The following KCNIP1 variants were observed in gnomAD, a reference collection of about 807,000 sequenced individuals.
KCNIP1 encodes the protein potassium voltage-gated channel interacting protein 1.
Under a neutral mutation model 33.0 loss-of-function variants are expected in KCNIP1, and 18 were observed. The ratio of observed to expected loss-of-function variants is 0.55; its 90% CI spans 0.38 to 0.81. The LOEUF (loss-of-function observed/expected upper bound fraction) is 0.81, where lower values mean the gene tolerates loss of function less well. Among genes scored for constraint, KCNIP1 ranks in the 30% least tolerant of loss-of-function variants. The pLI, the probability that KCNIP1 is intolerant of heterozygous loss-of-function variation, is 0.00. For missense variants in KCNIP1, 238 were observed against 271.6 expected, an observed-to-expected ratio of 0.88 and a Z score of 0.87; for synonymous variants, 93 against 98.3, an observed-to-expected ratio of 0.95 and a Z score of 0.32.
chr5:170,402,995 C>T (rs1032135638), intron 1 of KCNIP1, among the ~76,000 whole-genome samples: 9 of 152,190 alleles, frequency 5.9e-5, no homozygotes, highest in Non-Finnish European at 8.8e-5. Flanking sequence ...CGTTCACGTA[C>T]GCCTGTTCCA....
At chr5:170,501,675 G>T (rs966331774), upstream of KCNIP1, among the ~76,000 whole-genome samples, 2 of 152,192 alleles carry the variant, frequency 1.3e-5, no homozygotes, top group Non-Finnish European at 2.9e-5. Context: ...GGTCATTCAG[G>T]TACCATGAAA....
intron 1 of KCNIP1, chr5:170,383,571 G>T: frequency 8.1e-7 from 1 of 1,233,670 alleles, no homozygotes; most frequent in Non-Finnish European, 1.2e-6. Flanking sequence ...TGTGAGACCT[G>T]GTCAAGTGGG....
chr5:170,360,021 C>A (rs1295116642), intron 1 of KCNIP1, among the ~76,000 whole-genome samples: 2 of 152,214 alleles, frequency 1.3e-5, no homozygotes, highest in Admixed American at 6.5e-5. Flanking sequence ...TTAAAAGTAG[C>A]TGGAAACGGG....
At chr5:170,421,888 G>A (rs2113429565) in intron 1 of KCNIP1, 1 of 152,236 alleles carries the variant, frequency 6.6e-6, no homozygotes, top group South Asian at 2.1e-4. Flanking sequence ...TGTTATTCTG[G>A]ACTTCTGAAT....
chr5:170,367,352 A>AGAAGGAAGGAAG (rs1561586696), intron 1 of KCNIP1, among the ~76,000 whole-genome samples: 44 of 41,738 alleles, frequency 1.1e-3, no homozygotes, highest in East Asian at 2.1e-3. Flanking sequence ...GGAAAGAAAA[A>AGAAGGAAGGAAG]GAAAGAAAGA....
At chr5:170,431,768 A>T (rs1440927228) in intron 1 of KCNIP1, among the ~76,000 whole-genome samples, 1 of 152,214 alleles carries the variant, frequency 6.6e-6, no homozygotes, top group East Asian at 1.9e-4. Context: ...ATTCCCGCCA[A>T]GGCTCTGCCA....
chr5:170,615,650 C>T (rs764146002), intron 1 of KCNIP1, among the ~76,000 whole-genome samples: 6 of 152,202 alleles, frequency 3.9e-5, no homozygotes, highest in African/African-American at 7.2e-5. Context: ...GTACCCTCCA[C>T]TTGCCATGGT....
rs76301003 is a variant in KCNIP1 at position 170,382,022 on chromosome 5, C to T, written c.88+28058C>T. On this transcript the variant is annotated intron_variant, in intron 1 of 7. Transcript: ENST00000377360. ...CACTCTCAAGATCCCCCAGCCTCCACGCCCCATCCCAGGCACCCTGCCCCT... is the reference window on the plus strand; with the variant it reads ...CACTCTCAAGATCCCCCAGCCTCCATGCCCCATCCCAGGCACCCTGCCCCT... 2.1e-3 allele frequency among the ~76,000 whole-genome samples: 314 copies of T among 152,206 alleles called. 1 individual carries two copies. Among genetic ancestry groups the T allele is most frequent in the African/African-American group, 7.3e-3 (303 of 41,538 alleles).
At chr5:170,608,419 C>T (rs1486948051) in intron 1 of KCNIP1, among the ~76,000 whole-genome samples, 7 of 152,204 alleles carry the variant, frequency 4.6e-5, no homozygotes, top group Non-Finnish European at 1.0e-4. Context: ...TCAGTTTACT[C>T]ACCCATAAAA....
intron 1 of KCNIP1, among the ~76,000 whole-genome samples, chr5:170,464,913 T>C (rs1756577907): frequency 6.6e-6 from 1 of 152,216 alleles, no homozygotes. Context: ...TTCTAGTCTC[T>C]GCCCTACTGG....
chr5:170,541,766 C>G (rs543032283), intron 1 of KCNIP1, among the ~76,000 whole-genome samples: 1 of 151,740 alleles, frequency 6.6e-6, no homozygotes, highest in Non-Finnish European at 1.5e-5. Context: ...CTGCCATGTA[C>G]AGGCTGAAGC....
intron 1 of KCNIP1, chr5:170,669,676 T>C: frequency 2.0e-6 from 2 of 984,496 alleles, no homozygotes; most frequent in Non-Finnish European, 2.4e-6. Flanking sequence ...AAGGTTTGGC[T>C]TTAATTAAAG....
intron 1 of KCNIP1, among the ~76,000 whole-genome samples, chr5:170,393,533 G>A (rs995098450): frequency 1.3e-5 from 2 of 152,194 alleles, no homozygotes; most frequent in Non-Finnish European, 2.9e-5. Flanking sequence ...GCAGAAAAGC[G>A]ATGCCAGATT....
chr5:170,714,752 TAAAGA>T (rs1363190798), intron 1 of KCNIP1, among the ~76,000 whole-genome samples: 2 of 151,402 alleles, frequency 1.3e-5, no homozygotes, highest in Non-Finnish European at 2.9e-5. Flanking sequence ...AATAAGAAAA[TAAAGA>T]AAAATATTTT....
chr5:170,657,871 C>A lies in KCNIP1; in HGVS notation c.62-60887C>A, dbSNP rs114195835. Among the ~76,000 whole-genome samples, 1,235 of 152,302 alleles carry A rather than the reference C, an allele frequency of 8.1e-3. 11 individuals carry two copies. The highest frequency in any genetic ancestry group is 0.028 in the African/African-American group (1,176 of 41,558). ...CCATGCCAGACCTGCTGCTGGACTC[C>A]AGGCATGTTGAGAAATGAATATAAT... On this transcript the variant is annotated intron_variant, in intron 1 of 7. Coordinates refer to ENST00000328939, the MANE Select transcript of KCNIP1 (RefSeq NM_014592.4).
At chr5:170,393,791 C>T (rs565079773) in intron 1 of KCNIP1, among the ~76,000 whole-genome samples, 41 of 152,280 alleles carry the variant, frequency 2.7e-4, no homozygotes, top group Non-Finnish European at 5.6e-4. Context: ...TGACTCTTTT[C>T]ACCATATTTT....
Position 170,533,209 on chromosome 5 carries a change from G to A in KCNIP1, c.61+28576G>A, listed in dbSNP as rs185301676. 1.8e-3 allele frequency among the ~76,000 whole-genome samples: 276 copies of A among 151,698 alleles called. 3 individuals are homozygous for A. The highest frequency in any genetic ancestry group is 0.01 in the Middle Eastern group (3 of 294). The stretch of plus-strand genomic sequence containing the variant: ...ACTGAGTGTGTGTGTGTGTGTTGAG[G>A]GGTGGATAATAAGCAAGGAGAACAC... On this transcript the variant is annotated intron_variant, in intron 1 of 7. Coordinates refer to ENST00000328939, the MANE Select transcript of KCNIP1 (RefSeq NM_014592.4).
chr5:170,592,724 C>T (rs1758304571), intron 1 of KCNIP1, among the ~76,000 whole-genome samples: 1 of 152,216 alleles, frequency 6.6e-6, no homozygotes, highest in Non-Finnish European at 1.5e-5. Context: ...CTGCTGGAAA[C>T]CTGGGCTTCC....
At chr5:170,658,149 G>T (rs1454666193) in intron 1 of KCNIP1, among the ~76,000 whole-genome samples, 1 of 152,178 alleles carries the variant, frequency 6.6e-6, no homozygotes, top group South Asian at 2.1e-4. Context: ...AGAGAATAGG[G>T]TGCTACATGG....
Sources: allele counts gnomAD v4.1 joint callset (sites outside exome capture counted in the v4.1 genomes callset), GRCh38; gene constraint gnomAD v4.1.1; transcripts MANE v1.5; gene names NCBI Gene and HGNC (gene_info 2026-07-23, HGNC 2026-07-21).